MTUS2: variants seen among roughly 807,000 people sequenced by gnomAD.
MTUS2 encodes microtubule associated scaffold protein 2.
A neutral mutation model predicts 114.1 loss-of-function variants in MTUS2; 40 were observed. That is an observed-to-expected ratio of 0.35 (90% CI 0.27 to 0.46). The LOEUF is 0.46. Among genes scored for constraint, MTUS2 ranks in the 20% least tolerant of loss-of-function variants. The pLI is 1.00. For missense variants in MTUS2, 1,679 were observed against 1,705.4 expected (o/e 0.98, Z 0.27); for synonymous variants, 688 against 672.0 (o/e 1.02, Z -0.37).
At chr13:29,331,046 T>C (rs986250444) in intron 7 of MTUS2, among the ~76,000 whole-genome samples, 3 of 152,230 alleles carry the variant, frequency 2.0e-5, no homozygotes, top group Non-Finnish European at 2.9e-5. Context: ...ATTTTCATGA[T>C]ACTGATTCTT....
intron 5 of MTUS2, among the ~76,000 whole-genome samples, chr13:29,197,990 A>G (rs1376947229): frequency 6.6e-6 from 1 of 152,128 alleles, no homozygotes; most frequent in Non-Finnish European, 1.5e-5. Flanking sequence ...ACATTCTCCC[A>G]TGCAAAAATT....
chr13:28,851,616 C>T (rs191114114), intron 2 of MTUS2, among the ~76,000 whole-genome samples: 24 of 152,330 alleles, frequency 1.6e-4, no homozygotes, highest in African/African-American at 5.3e-4. Context: ...TACCTGCTGA[C>T]AAGGACTCTG....
intron 2 of MTUS2, among the ~76,000 whole-genome samples, chr13:29,018,910 G>A (rs1351982165): frequency 1.3e-5 from 2 of 152,142 alleles, no homozygotes; most frequent in Non-Finnish European, 2.9e-5. Context: ...TTTGTTTTGA[G>A]CAAGGAGAGC....
At chr13:28,969,891 C>G (rs1883774657) in intron 2 of MTUS2, among the ~76,000 whole-genome samples, 1 of 152,220 alleles carries the variant, frequency 6.6e-6, no homozygotes. Flanking sequence ...AGCGATTCTC[C>G]TGCCTCAGCC....
chr13:29,279,080 C>T (rs1207041575), intron 5 of MTUS2, among the ~76,000 whole-genome samples: 3 of 152,150 alleles, frequency 2.0e-5, no homozygotes, highest in East Asian at 1.9e-4. Flanking sequence ...CATAGCAACT[C>T]TTACATTAAC....
intron 5 of MTUS2, among the ~76,000 whole-genome samples, chr13:29,156,812 A>G (rs556464843): frequency 6.6e-6 from 1 of 152,286 alleles, no homozygotes; most frequent in African/African-American, 2.4e-5. Flanking sequence ...CAAAATGAAT[A>G]TGAATTTTTC....
chr13:29,000,686 G>A (rs895414128), intron 2 of MTUS2, among the ~76,000 whole-genome samples: 5 of 152,254 alleles, frequency 3.3e-5, no homozygotes, highest in East Asian at 1.9e-4. Context: ...TTCTTTTAGC[G>A]CTTTAAATAT....
At chr13:28,856,083 G>A (rs1473537273) in intron 2 of MTUS2, among the ~76,000 whole-genome samples, 2 of 152,178 alleles carry the variant, frequency 1.3e-5, no homozygotes, top group Admixed American at 6.5e-5. Flanking sequence ...TGTGTGAGGG[G>A]TATTCTTCTC....
Position 29,026,168 on chromosome 13 carries a change from A to G in MTUS2, c.1470A>G (p.Gln490=). 6.2e-7 allele frequency: 1 copy of G among 1,613,970 alleles called. No homozygotes were observed. The highest frequency in any genetic ancestry group is 8.5e-7 in the Non-Finnish European group (1 of 1,179,878). ...AGGTGCCTGAGCCCCTGGACCCTCAAAGTGGCCGCTCAGAAGCACGGGAAA... is the reference window on the plus strand; with the variant it reads ...AGGTGCCTGAGCCCCTGGACCCTCAGAGTGGCCGCTCAGAAGCACGGGAAA... ...KTEVPEPLDP[Q]SGRSEARESK... Residue 490 remains glutamine (Q), a synonymous_variant, in exon 3 of 16, where the codon CAA becomes CAG. Transcript: ENST00000612955.
chr13:29,383,244 G>GTATATATATATATATATTTA (rs1295576309), intron 8 of MTUS2, among the ~76,000 whole-genome samples: 1 of 53,450 alleles, frequency 1.9e-5, no homozygotes. Context: ...GTGTGTGTGT[G>GTATATATATATATATATTTA]TGTGTGTGTA....
At chr13:28,946,298 TGTGTGTGC>T (rs1882526545) in intron 2 of MTUS2, among the ~76,000 whole-genome samples, 1 of 118,792 alleles carries the variant, frequency 8.4e-6, no homozygotes, top group Non-Finnish European at 1.8e-5. Flanking sequence ...TGTGTGTGTG[TGTGTGTGC>T]GCGCGCACAT....
chr13:29,197,214 C>T (rs1261591413), intron 5 of MTUS2, among the ~76,000 whole-genome samples: 1 of 152,072 alleles, frequency 6.6e-6, no homozygotes, highest in African/African-American at 2.4e-5. Context: ...TGATATCCCT[C>T]CCCTTGCCCC....
rs1176588409 is a variant in MTUS2, at chr13:29,480,346, G to A, written c.3381G>A (p.Arg1127=). Residue 1127 remains arginine (R), a synonymous_variant, in exon 10 of 16, where the codon CGG becomes CGA. Transcript: ENST00000612955. This position sits in a 1 kb window ranked among gnomAD's most constrained non-coding sequence, Gnocchi z 4.4. ...EEHGDQLLSI[R]CQHQEQVEDL... ...ACGGTGACCAGCTGCTGAGCATCCG[G>A]TGTCAACACCAGGAGCAGGTCAGTC... 3 of 1,540,296 alleles carry A rather than the reference G, an allele frequency of 1.9e-6. No individual in the cohort carries two copies. Among genetic ancestry groups the A allele is most frequent in the African/African-American group, 1.4e-5 (1 of 73,018 alleles).
At chr13:29,481,915 C>T (rs1466582330) in intron 10 of MTUS2, among the ~76,000 whole-genome samples, 3 of 152,094 alleles carry the variant, frequency 2.0e-5, no homozygotes, top group East Asian at 1.9e-4. Context: ...ACTGAACCCC[C>T]GGTGTCGTGC....
intron 8 of MTUS2, among the ~76,000 whole-genome samples, chr13:29,437,118 T>C (rs1381044413): frequency 6.6e-6 from 1 of 152,180 alleles, no homozygotes; most frequent in African/African-American, 2.4e-5. Context: ...ATGACTCTGA[T>C]AACGTCCAGC....
At chr13:29,234,248 G>A (rs1253401647) in intron 5 of MTUS2, among the ~76,000 whole-genome samples, 2 of 152,166 alleles carry the variant, frequency 1.3e-5, no homozygotes, top group African/African-American at 4.8e-5. Flanking sequence ...CAGGTGTTGG[G>A]GCTTCAGTAG....
chr13:29,177,467 A>G (rs1233628009), intron 5 of MTUS2, among the ~76,000 whole-genome samples: 4 of 145,186 alleles, frequency 2.8e-5, no homozygotes, highest in African/African-American at 1.1e-4. Flanking sequence ...GTTGTAAGGA[A>G]TAGATCCAAA....
chr13:29,297,694 T>C (rs972090887), intron 6 of MTUS2, among the ~76,000 whole-genome samples: 1 of 152,192 alleles, frequency 6.6e-6, no homozygotes, highest in African/African-American at 2.4e-5. Context: ...TGTTTACACT[T>C]GTCCCTCTTA....
intron 9 of MTUS2, among the ~76,000 whole-genome samples, chr13:29,450,184 T>A (rs1372059741): frequency 6.6e-6 from 1 of 152,030 alleles, no homozygotes; most frequent in African/African-American, 2.4e-5. Flanking sequence ...TGACTATACA[T>A]CTCTTTGGCC....
Sources: allele counts gnomAD v4.1 joint callset (sites outside exome capture counted in the v4.1 genomes callset), GRCh38; gene constraint gnomAD v4.1.1; non-coding constraint Gnocchi (gnomAD v3.1); transcripts MANE v1.5; gene names NCBI Gene and HGNC (gene_info 2026-07-23, HGNC 2026-07-21).